Variants in HDAC9 observed in about 807,000 individuals in gnomAD.
The protein encoded by HDAC9 is MEF-2 interacting transcription repressor (MITR) protein.
A neutral mutation model predicts 139.4 loss-of-function variants in HDAC9; 41 were observed. The ratio of observed to expected loss-of-function variants is 0.29; its 90% CI spans 0.23 to 0.38. The LOEUF (loss-of-function observed/expected upper bound fraction) is 0.38. Among genes scored for constraint, HDAC9 ranks in the 10% least tolerant of loss-of-function variants. HDAC9 has a pLI of 1.00. For synonymous variants in HDAC9, 517 were observed against 476.2 expected (o/e 1.09, Z -1.12); for missense variants, 1,147 against 1,297.0 (o/e 0.88, Z 1.78).
chr7:18,897,376 A>C (rs1801298539), intron 22 of HDAC9, among the ~76,000 whole-genome samples: 1 of 152,004 alleles, frequency 6.6e-6, no homozygotes, highest in South Asian at 2.1e-4. Flanking sequence ...TGATTTGTCA[A>C]AACTCTAGGA....
At chr7:18,251,764 A>G (rs1794928723) in intron 2 of HDAC9, among the ~76,000 whole-genome samples, 1 of 152,008 alleles carries the variant, frequency 6.6e-6, no homozygotes, top group African/African-American at 2.4e-5. Flanking sequence ...CATTTAATGC[A>G]TGTTCTTTAA....
chr7:18,175,803 C>T (rs1395619523), intron 2 of HDAC9, among the ~76,000 whole-genome samples: 3 of 126,440 alleles, frequency 2.4e-5, no homozygotes, highest in Admixed American at 8.8e-5. Flanking sequence ...AACTTCCTGG[C>T]ACTTGATTAT....
intron 16 of HDAC9, among the ~76,000 whole-genome samples, chr7:18,773,364 TACACACACACACACACACACACAC>T (rs4043674): frequency 2.8e-5 from 4 of 142,730 alleles, no homozygotes; most frequent in African/African-American, 1.0e-4. Context: ...AAAAACTGTA[TACACACACACACACACACACACAC>T]ACACACACAC....
At chr7:18,545,550 C>G (rs2214090) in intron 2 of HDAC9, among the ~76,000 whole-genome samples, 1 of 152,056 alleles carries the variant, frequency 6.6e-6, no homozygotes, top group African/African-American at 2.4e-5. Flanking sequence ...GGATATGCCA[C>G]GGGCACCATA....
chr7:18,503,755 C>T (rs1214267803), intron 2 of HDAC9, among the ~76,000 whole-genome samples: 2 of 152,166 alleles, frequency 1.3e-5, no homozygotes, highest in Non-Finnish European at 2.9e-5. Flanking sequence ...TCCTGCTTCT[C>T]CTTATGGTTC....
chr7:18,584,052 A>G (rs549963434), intron 2 of HDAC9, among the ~76,000 whole-genome samples: 1 of 152,198 alleles, frequency 6.6e-6, no homozygotes, highest in Non-Finnish European at 1.5e-5. Flanking sequence ...AAAATGTCAG[A>G]ATGGACACCA....
intron 1 of HDAC9, among the ~76,000 whole-genome samples, chr7:18,423,709 C>G (rs1238209962): frequency 6.6e-6 from 1 of 152,196 alleles, no homozygotes; most frequent in Non-Finnish European, 1.5e-5. Context: ...TAGTCCCAAG[C>G]TCTTTACATG....
chr7:18,947,246 C>T (rs1782468050), intron 23 of HDAC9, among the ~76,000 whole-genome samples: 1 of 151,572 alleles, frequency 6.6e-6, no homozygotes, highest in African/African-American at 2.4e-5. Flanking sequence ...TGCAAAGAAA[C>T]CAAAGAAGAT....
In HDAC9 at chr7:18,231,982, A is replaced by G. The variant is rs384646; in HGVS notation, c.25+69633A>G. Among the ~76,000 whole-genome samples the G allele has an allele frequency of 7.3e-3, 1,116 of 152,328 alleles. 11 individuals are homozygous for G. Among genetic ancestry groups the G allele is most frequent in the African/African-American group, 0.026 (1,071 of 41,570 alleles). On this transcript the variant is annotated intron_variant, in intron 2 of 12. Transcript: ENST00000417496. ...TGAAAAATGAGTTAACATTGTTGTA[A>G]TATTAAATGGGAACAAATTAATTTC... is the stretch of plus-strand genomic sequence containing the variant.
At chr7:18,542,425 C>G (rs1203302764) in intron 2 of HDAC9, among the ~76,000 whole-genome samples, 1 of 152,308 alleles carries the variant, frequency 6.6e-6, no homozygotes, top group South Asian at 2.1e-4. Context: ...ACATTTAAAG[C>G]AGTTCCTGGC....
chr7:18,455,128 G>A (rs1793223338), intron 1 of HDAC9, among the ~76,000 whole-genome samples: 1 of 151,872 alleles, frequency 6.6e-6, no homozygotes, highest in South Asian at 2.1e-4. Context: ...AGGAGACAGG[G>A]ACATAGAAAT....
chr7:18,524,695 G>T (rs1015781811), intron 2 of HDAC9, among the ~76,000 whole-genome samples: 1 of 152,026 alleles, frequency 6.6e-6, no homozygotes, highest in Admixed American at 6.6e-5. Flanking sequence ...TCTCTTCTAG[G>T]GATTGAGAGA....
At chr7:18,808,015 A>C (rs1248017202) in intron 17 of HDAC9, 2 of 152,138 alleles carry the variant, frequency 1.3e-5, no homozygotes, top group Non-Finnish European at 2.9e-5. Context: ...ATTCTGTAAG[A>C]TCAGTAACAG....
chr7:18,172,472 T>C (rs1414130467), intron 2 of HDAC9, among the ~76,000 whole-genome samples: 3 of 152,200 alleles, frequency 2.0e-5, no homozygotes, highest in African/African-American at 7.2e-5. Context: ...CTGATCTTAG[T>C]TATTTCTTGC....
At chr7:18,088,572 T>A (rs1307382301) in intron 1 of HDAC9, among the ~76,000 whole-genome samples, 1 of 152,226 alleles carries the variant, frequency 6.6e-6, no homozygotes, top group Non-Finnish European at 1.5e-5. Context: ...AATCCTGTAA[T>A]TAAAAACAGC....
intron 2 of HDAC9, among the ~76,000 whole-genome samples, chr7:18,170,828 A>G (rs542915018): frequency 1.3e-5 from 2 of 152,310 alleles, no homozygotes; most frequent in East Asian, 1.9e-4. Flanking sequence ...TACCAGAACC[A>G]TGCTGTTTTG....
intron 22 of HDAC9, among the ~76,000 whole-genome samples, chr7:18,900,867 C>G (rs1476657): frequency 0.023 from 3,536 of 152,148 alleles, 139 homozygotes; most frequent in African/African-American, 0.08. Flanking sequence ...ATGCCCTTTT[C>G]TCATGCTAAT....
chr7:18,256,689 C>A (rs1260543447), intron 2 of HDAC9, among the ~76,000 whole-genome samples: 1 of 152,150 alleles, frequency 6.6e-6, no homozygotes, highest in African/African-American at 2.4e-5. Flanking sequence ...TGTTTAGGAA[C>A]TGTGGTGGGT....
intron 1 of HDAC9, among the ~76,000 whole-genome samples, chr7:18,300,336 G>C (rs1798454123): frequency 6.6e-6 from 1 of 152,152 alleles, no homozygotes; most frequent in African/African-American, 2.4e-5. Flanking sequence ...TCCAAGGAAT[G>C]ACAGGGGTTA....
Sources: allele counts gnomAD v4.1 joint callset (sites outside exome capture counted in the v4.1 genomes callset), GRCh38; gene constraint gnomAD v4.1.1; transcripts MANE v1.5; gene names NCBI Gene and HGNC (gene_info 2026-07-23, HGNC 2026-07-21).